LRRC4C: variants seen among roughly 807,000 people sequenced by gnomAD.
The protein encoded by LRRC4C is leucine rich repeat containing 4C.
Under a neutral mutation model 33.6 loss-of-function variants are expected in LRRC4C, and 5 were observed. The ratio of observed to expected loss-of-function variants is 0.15; its 90% CI spans 0.08 to 0.31. The LOEUF (loss-of-function observed/expected upper bound fraction) is 0.31. Among genes scored for constraint, LRRC4C ranks in the 10% least tolerant of loss-of-function variants. The pLI is 1.00. For missense variants in LRRC4C, 560 were observed against 796.7 expected (o/e 0.70, Z 3.58); for synonymous variants, 329 against 302.0 (o/e 1.09, Z -0.93).
chr11:40,126,577 A>G (rs1207192520), intron 6 of LRRC4C, among the ~76,000 whole-genome samples: 1 of 152,254 alleles, frequency 6.6e-6, no homozygotes. Flanking sequence ...GCATATAGGT[A>G]CTAGTGTAAA....
At chr11:40,399,845 G>A (rs976173761) in intron 3 of LRRC4C, among the ~76,000 whole-genome samples, 3 of 151,970 alleles carry the variant, frequency 2.0e-5, no homozygotes, top group African/African-American at 7.3e-5. Flanking sequence ...CTGGGGAAAC[G>A]GGGCAGTTTA....
At chr11:41,230,740 G>A (rs543389870) in intron 1 of LRRC4C, among the ~76,000 whole-genome samples, 5 of 151,996 alleles carry the variant, frequency 3.3e-5, no homozygotes, top group Non-Finnish European at 7.4e-5. Context: ...GGCAACAAAA[G>A]CCAAAATTGA....
intron 3 of LRRC4C, among the ~76,000 whole-genome samples, chr11:40,521,457 C>A (rs564482750): frequency 6.6e-6 from 1 of 152,304 alleles, no homozygotes; most frequent in East Asian, 1.9e-4. Flanking sequence ...TTATTCGTTA[C>A]ATTCATTTCA....
At chr11:41,315,713 G>A (rs1950766772) in intron 1 of LRRC4C, among the ~76,000 whole-genome samples, 1 of 152,200 alleles carries the variant, frequency 6.6e-6, no homozygotes, top group African/African-American at 2.4e-5. Context: ...GTTTATGATT[G>A]TAGTTTTAAA....
chr11:40,421,639 G>C (rs986810922), intron 3 of LRRC4C, among the ~76,000 whole-genome samples: 1 of 152,092 alleles, frequency 6.6e-6, no homozygotes, highest in Non-Finnish European at 1.5e-5. Flanking sequence ...CCCACTCATC[G>C]ACCCACAACT....
intron 5 of LRRC4C, among the ~76,000 whole-genome samples, chr11:40,223,052 A>G (rs1864532794): frequency 6.6e-6 from 1 of 152,122 alleles, no homozygotes; most frequent in Non-Finnish European, 1.5e-5. Flanking sequence ...AATATAAGAA[A>G]TATACTAAAA....
chr11:40,489,530 G>T (rs1954040062), intron 3 of LRRC4C, among the ~76,000 whole-genome samples: 2 of 152,014 alleles, frequency 1.3e-5, no homozygotes, highest in Admixed American at 1.3e-4. Flanking sequence ...TTATATATAT[G>T]AGTTTATCCT....
At chr11:41,281,585 G>T (rs1008950581) in intron 1 of LRRC4C, among the ~76,000 whole-genome samples, 2 of 152,172 alleles carry the variant, frequency 1.3e-5, no homozygotes, top group Non-Finnish European at 2.9e-5. Flanking sequence ...TTAAGCCAGC[G>T]GTTCTCCAAC....
intron 1 of LRRC4C, among the ~76,000 whole-genome samples, chr11:41,376,856 C>T (rs765477036): frequency 4.0e-5 from 6 of 151,738 alleles, no homozygotes; most frequent in Non-Finnish European, 8.8e-5. Context: ...TACACACATA[C>T]GTAGATCATA....
intron 2 of LRRC4C, among the ~76,000 whole-genome samples, chr11:40,809,340 C>T (rs1359574126): frequency 6.6e-6 from 1 of 152,140 alleles, no homozygotes; most frequent in Non-Finnish European, 1.5e-5. Context: ...GAAGATCCTA[C>T]TTCAAGGCCC....
At chr11:40,958,233 A>C (rs2136826402) in intron 1 of LRRC4C, among the ~76,000 whole-genome samples, 1 of 151,836 alleles carries the variant, frequency 6.6e-6, no homozygotes, top group Admixed American at 6.6e-5. Context: ...ACAGCAGCTC[A>C]AACAAACTAA....
chr11:40,233,131 A>G (rs2136025257), intron 5 of LRRC4C, among the ~76,000 whole-genome samples: 1 of 152,300 alleles, frequency 6.6e-6, no homozygotes, highest in Middle Eastern at 3.4e-3. Context: ...ACCTTTAAAT[A>G]TACTGTTGCA....
At chr11:40,277,689 A>G (rs1430471390) in intron 4 of LRRC4C, among the ~76,000 whole-genome samples, 2 of 152,122 alleles carry the variant, frequency 1.3e-5, no homozygotes, top group Admixed American at 6.6e-5. Flanking sequence ...TCTCTGTGAC[A>G]TGGGTAAGTC....
chr11:40,421,437 CCTTCCATG>C (rs1280080672), intron 3 of LRRC4C, among the ~76,000 whole-genome samples: 1 of 152,184 alleles, frequency 6.6e-6, no homozygotes, highest in African/African-American at 2.4e-5. Flanking sequence ...TTGTGGGCAA[CCTTCCATG>C]CTGCATTCAG....
intron 3 of LRRC4C, among the ~76,000 whole-genome samples, chr11:40,333,288 C>T (rs184342697): frequency 2.0e-5 from 3 of 152,188 alleles, no homozygotes; most frequent in Admixed American, 1.3e-4. Context: ...TTTAATTATA[C>T]ATACACATAT....
At chr11:41,338,016 A>T (rs1322736833) in intron 1 of LRRC4C, among the ~76,000 whole-genome samples, 1 of 152,222 alleles carries the variant, frequency 6.6e-6, no homozygotes, top group Non-Finnish European at 1.5e-5. Flanking sequence ...AATGGCGATT[A>T]TTAAAACATG....
chr11:41,220,243 CA>C (rs960652610), intron 1 of LRRC4C, among the ~76,000 whole-genome samples: 3 of 151,948 alleles, frequency 2.0e-5, no homozygotes, highest in African/African-American at 7.2e-5. Context: ...ATTGTTATAC[CA>C]AAGTGAAAAC....
At chr11:40,444,744 A>G (rs1293678381) in intron 3 of LRRC4C, among the ~76,000 whole-genome samples, 2 of 152,208 alleles carry the variant, frequency 1.3e-5, no homozygotes, top group Non-Finnish European at 2.9e-5. Flanking sequence ...CAACAACACA[A>G]GATTCTTTCC....
chr11:40,419,683 C>G (rs1235892483), intron 3 of LRRC4C, among the ~76,000 whole-genome samples: 1 of 152,124 alleles, frequency 6.6e-6, no homozygotes, highest in Non-Finnish European at 1.5e-5. Context: ...AAAAATGACA[C>G]TTGAGGGAAA....
Sources: allele counts gnomAD v4.1 joint callset (sites outside exome capture counted in the v4.1 genomes callset), GRCh38; gene constraint gnomAD v4.1.1; transcripts MANE v1.5; gene names NCBI Gene and HGNC (gene_info 2026-07-23, HGNC 2026-07-21).